Variants in ITGA1 observed in about 807,000 individuals in gnomAD.
ITGA1 encodes the protein integrin subunit alpha 1.
In ITGA1, 85 loss-of-function variants were observed where a neutral mutation model predicts 145.9. The observed-to-expected ratio is 0.58, with a 90% CI of 0.49 to 0.70. ITGA1 has a LOEUF of 0.70. Among genes scored for constraint, ITGA1 ranks in the 30% least tolerant of loss-of-function variants. The pLI, the probability that ITGA1 is intolerant of heterozygous loss-of-function variation, is 0.00. For synonymous variants in ITGA1, 520 were observed against 495.3 expected (o/e 1.05, Z -0.66); for missense variants, 1,351 against 1,418.7 (o/e 0.95, Z 0.77).
intron 1 of ITGA1, among the ~76,000 whole-genome samples, chr5:52,832,655 G>T (rs374169566): frequency 6.7e-6 from 1 of 149,292 alleles, no homozygotes; most frequent in African/African-American, 2.5e-5. Flanking sequence ...CATACACTAT[G>T]TTAGAATAAA....
intron 14 of ITGA1, among the ~76,000 whole-genome samples, chr5:52,913,665 C>T (rs554834975): frequency 6.6e-6 from 1 of 152,234 alleles, no homozygotes; most frequent in African/African-American, 2.4e-5. Flanking sequence ...ACAAATAAAA[C>T]AGAATTCACT....
At chr5:52,879,916 A>G (rs1041984765) in intron 6 of ITGA1, among the ~76,000 whole-genome samples, 10 of 152,228 alleles carry the variant, frequency 6.6e-5, no homozygotes, top group Non-Finnish European at 1.5e-4. Context: ...TATTTATCTT[A>G]TACCTAACTA....
In ITGA1 at chr5:52,954,326, G is replaced by T. The variant is rs1468061250; in HGVS notation, c.*1875G>T. The T allele has an allele frequency of 1.3e-5, 2 of 152,156 alleles. No individual in the cohort carries two copies. Among genetic ancestry groups the T allele is most frequent in the African/African-American group, 4.8e-5 (2 of 41,396 alleles). The allele number at this position is 152,156 out of a possible 1,614,324, so 9.4% of individuals were successfully genotyped here. On this transcript the variant is annotated 3_prime_UTR_variant, in exon 29 of 29. Transcript: ENST00000282588. ...CTTCTCTGATCTCAGCAAGATCTTA[G>T]TAGTAAAGCTAACGGATCCATTGAA... is the stretch of plus-strand genomic sequence containing the variant.
intron 8 of ITGA1, among the ~76,000 whole-genome samples, chr5:52,893,148 A>T (rs974507606): frequency 6.6e-6 from 1 of 152,184 alleles, no homozygotes; most frequent in Non-Finnish European, 1.5e-5. Flanking sequence ...AAACAAGAAT[A>T]TCTCAATTGT....
intron 8 of ITGA1, chr5:52,889,889 G>T (rs1219763419): frequency 1.8e-5 from 2 of 112,378 alleles, no homozygotes; most frequent in African/African-American, 6.8e-5. Flanking sequence ...AGAGGATTTG[G>T]ATATTCTTAA....
At chr5:52,880,921 G>A (rs1749946546) in intron 6 of ITGA1, among the ~76,000 whole-genome samples, 1 of 152,202 alleles carries the variant, frequency 6.6e-6, no homozygotes, top group African/African-American at 2.4e-5. Context: ...GTGTAGGAGA[G>A]ATAGCCATTA....
At chr5:52,796,549 C>T (rs1748347042) in intron 1 of ITGA1, among the ~76,000 whole-genome samples, 1 of 151,912 alleles carries the variant, frequency 6.6e-6, no homozygotes, top group Non-Finnish European at 1.5e-5. Context: ...TATATAACTA[C>T]AGCAGTTTCT....
chr5:52,816,111 GT>G (rs560928496), intron 1 of ITGA1, among the ~76,000 whole-genome samples: 1 of 151,968 alleles, frequency 6.6e-6, no homozygotes, highest in African/African-American at 2.4e-5. Context: ...AACCTATTGT[GT>G]TTTTTTAATT....
At chr5:52,927,502 A>T in intron 19 of ITGA1, 82 bp from the exon 20 acceptor site, 1 of 914,196 alleles carries the variant, frequency 1.1e-6, no homozygotes, top group Non-Finnish European at 1.7e-6. Flanking sequence ...TCACCAAGAC[A>T]CATCTGGGAA....
chr5:52,832,152 G>A (rs1749081389), intron 1 of ITGA1, among the ~76,000 whole-genome samples: 1 of 152,108 alleles, frequency 6.6e-6, no homozygotes, highest in Non-Finnish European at 1.5e-5. Flanking sequence ...TTCCTGGAGA[G>A]AATCAGACCC....
chr5:52,922,837 G>C lies in ITGA1; in HGVS notation c.2353G>C (p.Glu785Gln), dbSNP rs1442034530. 1 of 1,613,502 alleles carries C rather than the reference G, an allele frequency of 6.2e-7. No homozygotes were observed. The highest frequency in any genetic ancestry group is 1.1e-5 in the South Asian group (1 of 91,070). ...GTTGGACTTTAATCTTACCGATCCA[G>C]AAAATGGGCCTGTTCTTGATGATTC... Reference protein sequence around the residue: ...ITLDFNLTDPENGPVLDDSLP... With the variant: ...ITLDFNLTDPQNGPVLDDSLP... Residue 785 changes from glutamate (E) to glutamine (Q), a missense_variant, in exon 18 of 29, where the codon GAA becomes CAA. Coordinates refer to ENST00000282588, the MANE Select transcript of ITGA1 (RefSeq NM_181501.2).
At chr5:52,890,950 T>C (rs902345740) in intron 8 of ITGA1, among the ~76,000 whole-genome samples, 2 of 152,152 alleles carry the variant, frequency 1.3e-5, no homozygotes, top group African/African-American at 4.8e-5. Flanking sequence ...CATTTTCAGC[T>C]CACACATTTG....
chr5:52,941,778 T>A (rs1751057265), intron 26 of ITGA1, among the ~76,000 whole-genome samples: 1 of 152,248 alleles, frequency 6.6e-6, no homozygotes, highest in Non-Finnish European at 1.5e-5. Context: ...CTCTTTAGTT[T>A]AATTAGATCC....
At chr5:52,810,850 A>G (rs546160661) in intron 1 of ITGA1, among the ~76,000 whole-genome samples, 1 of 152,316 alleles carries the variant, frequency 6.6e-6, no homozygotes, top group East Asian at 1.9e-4. Context: ...TCAGAGTAAA[A>G]TATAATGGGA....
intron 11 of ITGA1, among the ~76,000 whole-genome samples, chr5:52,899,263 C>A (rs999371548): frequency 2.0e-5 from 3 of 152,162 alleles, no homozygotes; most frequent in Admixed American, 2.0e-4. Flanking sequence ...GGAGACAAGT[C>A]TTTTTCTCTC....
intron 6 of ITGA1, among the ~76,000 whole-genome samples, chr5:52,872,789 G>T (rs988976871): frequency 6.6e-6 from 1 of 151,854 alleles, no homozygotes; most frequent in Non-Finnish European, 1.5e-5. Context: ...CATCTCAAGC[G>T]CTGTATTCTA....
At chr5:52,897,268 T>C (rs1444531323) in intron 9 of ITGA1, among the ~76,000 whole-genome samples, 187 bp from the exon 10 acceptor site, 1 of 152,146 alleles carries the variant, frequency 6.6e-6, no homozygotes, top group East Asian at 1.9e-4. Flanking sequence ...TGACTATTTT[T>C]CTCTGTCTTC....
At chr5:52,942,697 ATT>A (rs371386724) in intron 26 of ITGA1, among the ~76,000 whole-genome samples, 4,862 of 137,836 alleles carry the variant, frequency 0.035, 94 homozygotes, top group African/African-American at 0.049. Context: ...TGCCCGGCTA[ATT>A]TTTTTTTTTT....
intron 1 of ITGA1, among the ~76,000 whole-genome samples, chr5:52,839,415 G>A (rs1166484587): frequency 1.3e-5 from 2 of 152,084 alleles, no homozygotes; most frequent in Non-Finnish European, 2.9e-5. Flanking sequence ...GCACTATTAG[G>A]GAAAGGGAGA....
Sources: allele counts gnomAD v4.1 joint callset (sites outside exome capture counted in the v4.1 genomes callset), GRCh38; gene constraint gnomAD v4.1.1; transcripts MANE v1.5; gene names NCBI Gene and HGNC (gene_info 2026-07-23, HGNC 2026-07-21).